RSPO2: variants seen among roughly 807,000 people sequenced by gnomAD.
The protein encoded by RSPO2 is R-spondin-2.
In RSPO2, 14 loss-of-function variants were observed where a neutral mutation model predicts 30.9. The ratio of observed to expected loss-of-function variants is 0.45; its 90% CI spans 0.30 to 0.71. The LOEUF (loss-of-function observed/expected upper bound fraction) is 0.71. RSPO2 is among the 30% of genes least tolerant of loss of function. The pLI, the probability that RSPO2 is intolerant of heterozygous loss-of-function variation, is 0.08. For missense variants in RSPO2, 264 were observed against 301.9 expected (o/e 0.87, Z 0.93); for synonymous variants, 107 against 96.4 (o/e 1.11, Z -0.64).
At chr8:107,969,139 A>G (rs1813913055) in intron 3 of RSPO2, among the ~76,000 whole-genome samples, 1 of 152,154 alleles carries the variant, frequency 6.6e-6, no homozygotes, top group African/African-American at 2.4e-5. Context: ...CTTAACCATC[A>G]GATAAAAAGG....
chr8:107,934,766 T>TC (rs1191119947), intron 5 of RSPO2, among the ~76,000 whole-genome samples: 1 of 152,162 alleles, frequency 6.6e-6, no homozygotes, highest in Non-Finnish European at 1.5e-5. Flanking sequence ...ATTTATTAGT[T>TC]CCCCAAATTA....
chr8:107,916,654 G>C (rs1174040185), intron 5 of RSPO2, among the ~76,000 whole-genome samples: 1 of 152,174 alleles, frequency 6.6e-6, no homozygotes, highest in African/African-American at 2.4e-5. Context: ...GGACAAAACT[G>C]AAGACTTAAG....
At chr8:108,018,159 G>T (rs1210563068) in intron 2 of RSPO2, among the ~76,000 whole-genome samples, 2 of 152,152 alleles carry the variant, frequency 1.3e-5, no homozygotes, top group Non-Finnish European at 1.5e-5. Flanking sequence ...CTTAAATCTG[G>T]CAGAAAACAA....
At chr8:107,989,322 A>T (rs576217960) in intron 2 of RSPO2, 78 bp from the exon 3 acceptor site, 1 of 884,552 alleles carries the variant, frequency 1.1e-6, no homozygotes, top group African/African-American at 1.8e-5. Context: ...TGAAAAGACA[A>T]ATGTTTCTTT....
chr8:107,924,350 A>G (rs983300830), intron 5 of RSPO2, among the ~76,000 whole-genome samples: 1 of 152,118 alleles, frequency 6.6e-6, no homozygotes, highest in Non-Finnish European at 1.5e-5. Flanking sequence ...GTTAAACATA[A>G]GGTGGAACTT....
intron 3 of RSPO2, among the ~76,000 whole-genome samples, chr8:107,975,455 T>G (rs1198952165): frequency 1.3e-5 from 2 of 152,364 alleles, no homozygotes; most frequent in Middle Eastern, 6.8e-3. Flanking sequence ...TTAACTTCTC[T>G]ACGCCTCAGT....
At chr8:107,949,842 G>A (rs1813184667) in intron 5 of RSPO2, among the ~76,000 whole-genome samples, 1 of 152,122 alleles carries the variant, frequency 6.6e-6, no homozygotes, top group South Asian at 2.1e-4. Flanking sequence ...CAACCAACCT[G>A]CACTTGTACC....
chr8:107,976,868 C>G (rs1158636393), intron 3 of RSPO2, among the ~76,000 whole-genome samples: 4 of 152,100 alleles, frequency 2.6e-5, no homozygotes, highest in African/African-American at 4.8e-5. Context: ...AGCTATAGTT[C>G]AATCAGAACT....
intron 2 of RSPO2, among the ~76,000 whole-genome samples, chr8:108,014,398 T>C (rs1307999962): frequency 2.0e-5 from 3 of 152,184 alleles, no homozygotes; most frequent in African/African-American, 7.2e-5. Flanking sequence ...TGCACACATA[T>C]GCTTATTGCA....
At position 108,031,810 on chromosome 8, in the gene RSPO2, G is replaced by A. The variant is rs184487096; in HGVS notation, c.95-42566C>T. Among the ~76,000 whole-genome samples the A allele has an allele frequency of 2.2e-3, 327 of 152,086 alleles. 3 individuals are homozygous for A. Among genetic ancestry groups the A allele is most frequent in the South Asian group, 3.9e-3 (19 of 4,818 alleles). On this transcript the variant is annotated intron_variant, in intron 2 of 5. Transcript: ENST00000276659. Reference sequence around the variant, plus strand: ...GGTTATTTGCAATCTTTTGGATATAGTGACTAGCTTTCTCCATTTCTAGCA... The same window carrying A: ...GGTTATTTGCAATCTTTTGGATATAATGACTAGCTTTCTCCATTTCTAGCA...
intron 3 of RSPO2, among the ~76,000 whole-genome samples, chr8:107,968,414 G>C (rs897383243): frequency 6.6e-6 from 1 of 152,116 alleles, no homozygotes; most frequent in Non-Finnish European, 1.5e-5. Context: ...CATGGAGATA[G>C]AGAGTAGAAT....
intron 2 of RSPO2, among the ~76,000 whole-genome samples, chr8:108,071,768 C>T (rs920145708): frequency 2.0e-5 from 3 of 152,184 alleles, no homozygotes; most frequent in African/African-American, 4.8e-5. Flanking sequence ...ACCTCTAGAA[C>T]GTCATCAAGA....
chr8:108,008,893 A>T (rs981357878), intron 2 of RSPO2, among the ~76,000 whole-genome samples: 16 of 152,212 alleles, frequency 1.1e-4, no homozygotes, highest in African/African-American at 3.1e-4. Flanking sequence ...AATAATGGTA[A>T]ATTTTTTTTG....
chr8:108,027,825 T>G (rs1811273354), intron 2 of RSPO2, among the ~76,000 whole-genome samples: 1 of 152,180 alleles, frequency 6.6e-6, no homozygotes, highest in Admixed American at 6.6e-5. Context: ...CGAGCTTCTT[T>G]CTATACATTT....
At chr8:108,005,580 T>C (rs900375512) in intron 2 of RSPO2, among the ~76,000 whole-genome samples, 1 of 152,146 alleles carries the variant, frequency 6.6e-6, no homozygotes, top group African/African-American at 2.4e-5. Context: ...CTCGTGAATG[T>C]TATTCAATGG....
intron 2 of RSPO2, among the ~76,000 whole-genome samples, chr8:108,047,734 C>G (rs1032717928): frequency 1.1e-4 from 16 of 151,770 alleles, no homozygotes; most frequent in African/African-American, 3.9e-4. Flanking sequence ...ACCTGTAGTC[C>G]CAGCTATTTG....
At chr8:107,994,247 A>G (rs1814941307) in intron 2 of RSPO2, among the ~76,000 whole-genome samples, 1 of 152,184 alleles carries the variant, frequency 6.6e-6, no homozygotes, top group Non-Finnish European at 1.5e-5. Context: ...AATATGCATA[A>G]TTTACAAGTA....
At chr8:108,060,654 C>G (rs185301770) in intron 2 of RSPO2, among the ~76,000 whole-genome samples, 4 of 151,772 alleles carry the variant, frequency 2.6e-5, no homozygotes, top group Admixed American at 2.6e-4. Context: ...GCAAGGCAGG[C>G]CAACATTCAA....
chr8:107,901,321 A>T (rs1811455685), intron 5 of RSPO2, 131 bp from the exon 6 acceptor site: 5 of 953,696 alleles, frequency 5.2e-6, no homozygotes, highest in Middle Eastern at 5.5e-4. Context: ...CCTCAAAGAG[A>T]AAATTGTTCA....
Sources: allele counts gnomAD v4.1 joint callset (sites outside exome capture counted in the v4.1 genomes callset), GRCh38; gene constraint gnomAD v4.1.1; transcripts MANE v1.5; gene names NCBI Gene and HGNC (gene_info 2026-07-23, HGNC 2026-07-21).